The following HEATR5B variants were observed in gnomAD, a reference collection of about 807,000 sequenced individuals.
The protein encoded by HEATR5B is HEAT repeat-containing protein 5B.
In HEATR5B, 156 loss-of-function variants were observed where a neutral mutation model predicts 224.1. The ratio of observed to expected loss-of-function variants is 0.70; its 90% CI spans 0.61 to 0.80. The LOEUF (loss-of-function observed/expected upper bound fraction) is 0.80, where lower values mean the gene tolerates loss of function less well. Ranked by LOEUF, HEATR5B falls within the 30% of genes least tolerant of loss-of-function variation. The probability of loss-of-function intolerance (pLI) is 0.00; values close to 1 mark genes in which losing one functional copy is unlikely to be tolerated. For missense variants in HEATR5B, 2,323 were observed against 2,535.5 expected (o/e 0.92, Z 1.80); for synonymous variants, 1,027 against 893.0 (o/e 1.15, Z -2.68).
intron 8 of HEATR5B, among the ~76,000 whole-genome samples, chr2:37,067,991 T>C (rs1671688988): frequency 6.6e-6 from 1 of 152,118 alleles, no homozygotes; most frequent in African/African-American, 2.4e-5. Context: ...TATAGTGAAA[T>C]AGTGAATAAT....
In HEATR5B at chr2:36,981,558, C is replaced by G; in HGVS notation, c.6148G>C (p.Ala2050Pro). 1 of 1,614,174 alleles carries G rather than the reference C, an allele frequency of 6.2e-7. No individual in the cohort carries two copies. Among genetic ancestry groups the G allele is most frequent in the Non-Finnish European group, 8.5e-7 (1 of 1,180,034 alleles). Residue 2050 changes from alanine (A) to proline (P), a missense_variant, in exon 36 of 36, where the codon GCT becomes CCT. Around this residue, in one of 12 missense-constraint regions of HEATR5B, gnomAD observed 844 missense variants for 812.9 expected, o/e 1.04. Coordinates refer to ENST00000233099, the MANE Select transcript of HEATR5B (RefSeq NM_019024.3). ...ATGGCGGGGGCTGGTTGTCTGGCAG[C>G]CGCTTTAGCTTTGCTCGCTTGGCTT... ...RASQASKAKA[A>P]ARQPAPAIHS...
At chr2:37,041,110 T>C (rs1033227925) in intron 19 of HEATR5B, 23 bp downstream of exon 19, 5 of 1,581,430 alleles carry the variant, frequency 3.2e-6, no homozygotes, top group Non-Finnish European at 2.6e-6. Context: ...ACTTTTGTAA[T>C]AAAAAAACCA....
chr2:37,079,129 G>C lies in HEATR5B; in HGVS notation c.329C>G (p.Pro110Arg). 1.3e-6 allele frequency: 2 copies of C among 1,587,750 alleles called. No individual in the cohort carries two copies. Among genetic ancestry groups the C allele is most frequent in the Non-Finnish European group, 1.7e-6 (2 of 1,160,930 alleles). The change falls in exon 3 of 36, where the codon CCA becomes CGA. Residue 110 changes from proline to arginine, a missense_variant. By Grantham distance (103) the Pro-to-Arg change is moderately radical. Around this residue, in one of 12 missense-constraint regions of HEATR5B, gnomAD observed 292 missense variants for 332.6 expected, o/e 0.88. Coordinates refer to ENST00000233099, the MANE Select transcript of HEATR5B (RefSeq NM_019024.3). ...RNKDDTAAYL[P>R]TKLAAVACVG... ...TAAAGTAAGTACTTACAATTTTGTT[G>C]GTAAGTAGGCCGCAGTGTCATCTTT...
In HEATR5B at chr2:37,002,453, C is replaced by T. The variant is rs761472105; in HGVS notation, c.5170G>A (p.Val1724Ile). 8.7e-6 allele frequency: 14 copies of T among 1,614,072 alleles called. No individual in the cohort carries two copies. The highest frequency in any genetic ancestry group is 1.7e-5 in the Admixed American group (1 of 59,998). The part of the protein sequence containing the change: ...ATMELLMFIL[V>I]RHMPHLSTKV... Reference sequence around the variant, plus strand: ...GTACTGAGATGTGGCATATGCCGTACTAAAATGAACATCAGCAGCTCCATA... The same window carrying T: ...GTACTGAGATGTGGCATATGCCGTATTAAAATGAACATCAGCAGCTCCATA... Residue 1724 changes from valine to isoleucine, a missense_variant, in exon 32 of 36, where the codon GTA (valine) becomes ATA (isoleucine). By Grantham distance (29) the Val-to-Ile change is conservative. This residue lies in a region of HEATR5B where 844 missense variants were observed against 812.9 expected (regional missense o/e 1.04). Transcript: ENST00000233099.
chr2:37,064,699 C>G (rs1275882999), intron 10 of HEATR5B, 41 bp downstream of exon 10: 1 of 1,605,298 alleles, frequency 6.2e-7, no homozygotes, highest in Non-Finnish European at 8.5e-7. Flanking sequence ...AAGACCAAAG[C>G]CCACGTGACA....
At chr2:37,082,499 TCATGATGGCCATAAC>T (rs1057465905) in intron 2 of HEATR5B, among the ~76,000 whole-genome samples, 4 of 152,194 alleles carry the variant, frequency 2.6e-5, no homozygotes, top group African/African-American at 9.6e-5. Flanking sequence ...TGTGACATGT[TCATGATGGCCATAAC>T]GAAACCCGAA....
chr2:37,062,354 G>A (rs1572916719), intron 10 of HEATR5B, among the ~76,000 whole-genome samples: 1 of 152,086 alleles, frequency 6.6e-6, no homozygotes, highest in African/African-American at 2.4e-5. Context: ...TGCTTGAACT[G>A]GGGAGGCGGA....
At chr2:37,010,577 G>C (rs1379203676) in intron 27 of HEATR5B, among the ~76,000 whole-genome samples, 6 of 151,168 alleles carry the variant, frequency 4.0e-5, no homozygotes, top group Non-Finnish European at 7.4e-5. Flanking sequence ...GCAGTGGTGC[G>C]ATCACAGCTC....
chr2:37,006,940 T>G, intron 29 of HEATR5B, 110 bp downstream of exon 29: 1 of 965,316 alleles, frequency 1.0e-6, no homozygotes. Context: ...CTTTCACTTT[T>G]CCTTCTCTGA....
At chr2:37,029,942 A>C (rs1669019633) in intron 22 of HEATR5B, among the ~76,000 whole-genome samples, 1 of 143,816 alleles carries the variant, frequency 7.0e-6, no homozygotes, top group Admixed American at 6.7e-5. Flanking sequence ...TCAAAAAATA[A>C]ATAAATAAAT....
chr2:37,011,741 A>T (rs923697231), intron 27 of HEATR5B, among the ~76,000 whole-genome samples: 7 of 152,194 alleles, frequency 4.6e-5, no homozygotes, highest in Non-Finnish European at 1.0e-4. Context: ...TTCTTTACTT[A>T]GCATTGGGAA....
intron 27 of HEATR5B, among the ~76,000 whole-genome samples, chr2:37,010,366 T>C (rs999445609): frequency 1.3e-5 from 2 of 152,046 alleles, no homozygotes; most frequent in African/African-American, 2.4e-5. Context: ...CTTACCCCTA[T>C]TCCCACACCA....
chr2:37,028,852 T>C lies in HEATR5B; in HGVS notation c.3430A>G (p.Ile1144Val), dbSNP rs147769261. The change falls in exon 23 of 36, where the codon ATA (isoleucine) becomes GTA (valine). Residue 1144 changes from isoleucine (I) to valine (V), a missense_variant. Ile to Val is a conservative substitution (Grantham distance 29). Coordinates refer to ENST00000233099, the MANE Select transcript of HEATR5B (RefSeq NM_019024.3). Reference sequence around the variant, plus strand: ...AGTCCCTCAAGACCAGTTTCTGTTATATTAACACCTTGGTGCCGGCAATGG... The same window carrying C: ...AGTCCCTCAAGACCAGTTTCTGTTACATTAACACCTTGGTGCCGGCAATGG... Reference protein sequence around the residue: ...DIHCRHQGVNITETGLEGLLF... With the variant: ...DIHCRHQGVNVTETGLEGLLF... 516 of 1,614,060 alleles carry C rather than the reference T, an allele frequency of 3.2e-4. No homozygotes were observed. In the African/African-American group the frequency reaches 6.1e-3, roughly 19 times the overall value.
At chr2:37,001,882 G>A (rs1667113421) in intron 32 of HEATR5B, among the ~76,000 whole-genome samples, 1 of 152,160 alleles carries the variant, frequency 6.6e-6, no homozygotes, top group African/African-American at 2.4e-5. Context: ...GGTCAGGCTG[G>A]TCAGGAACTC....
chr2:37,022,665 T>G (rs1668537527), intron 24 of HEATR5B, among the ~76,000 whole-genome samples: 1 of 152,200 alleles, frequency 6.6e-6, no homozygotes, highest in South Asian at 2.1e-4. Context: ...GTCAGGAAAC[T>G]TAAATCTACA....
intron 35 of HEATR5B, among the ~76,000 whole-genome samples, chr2:36,987,370 G>A (rs546048723): frequency 1.3e-5 from 2 of 151,232 alleles, no homozygotes; most frequent in African/African-American, 2.4e-5. Context: ...CGGAGGTTGC[G>A]GTGAGCCAAG....
chr2:36,989,256 T>C (rs923215527), intron 34 of HEATR5B, among the ~76,000 whole-genome samples: 4 of 152,130 alleles, frequency 2.6e-5, no homozygotes, highest in Non-Finnish European at 5.9e-5. Flanking sequence ...CAGCTAATTT[T>C]TGTATTTTTA....
chr2:37,017,363 A>G (rs1572814331), intron 26 of HEATR5B, among the ~76,000 whole-genome samples: 1 of 122,498 alleles, frequency 8.2e-6, no homozygotes, highest in African/African-American at 3.9e-5. Context: ...ACTGCACTAC[A>G]GCCTGGGCAA....
chr2:37,031,250 T>G (rs1261264664), intron 22 of HEATR5B, among the ~76,000 whole-genome samples: 1 of 152,122 alleles, frequency 6.6e-6, no homozygotes, highest in Non-Finnish European at 1.5e-5. Context: ...ATACACTGAG[T>G]CCACCCAGGA....
Sources: gnomAD v4.1 joint callset for allele counts (sites outside exome capture counted in the v4.1 genomes callset) on GRCh38, gnomAD v4.1.1 for gene constraint, gnomAD v4.1.1 regional missense constraint, MANE v1.5 for transcripts, NCBI Gene and HGNC (gene_info 2026-07-23, HGNC 2026-07-21) for gene names.